The following FMNL2 variants were observed in gnomAD, a reference collection of about 807,000 sequenced individuals.
The protein encoded by FMNL2 is formin like 2, also known as formin-like protein 2.
Under a neutral mutation model 130.2 loss-of-function variants are expected in FMNL2, and 51 were observed. That is an observed-to-expected ratio of 0.39 (90% CI 0.31 to 0.49). The LOEUF is 0.49. FMNL2 is among the 20% of genes least tolerant of loss of function. The pLI is 0.85. For synonymous variants in FMNL2, 465 were observed against 467.1 expected, an observed-to-expected ratio of 1.00 and a Z score of 0.06; for missense variants, 977 against 1,316.2, an observed-to-expected ratio of 0.74 and a Z score of 3.99.
chr2:152,428,382 C>T (rs1687300529), intron 1 of FMNL2, among the ~76,000 whole-genome samples: 1 of 152,154 alleles, frequency 6.6e-6, no homozygotes, highest in Admixed American at 6.5e-5. Flanking sequence ...AAAGGGGCAG[C>T]TGTAGTAAGC....
chr2:152,383,273 C>T (rs1166901195), intron 1 of FMNL2, among the ~76,000 whole-genome samples: 12 of 97,620 alleles, frequency 1.2e-4, no homozygotes, highest in South Asian at 4.3e-4. Context: ...TCCGTTAATC[C>T]TTTTTTTTTT....
chr2:152,520,808 AC>A (rs1693048881), intron 1 of FMNL2, among the ~76,000 whole-genome samples: 1 of 152,108 alleles, frequency 6.6e-6, no homozygotes, highest in African/African-American at 2.4e-5. Context: ...CCTCTGTTAA[AC>A]TTGTTTCACC....
At chr2:152,639,127 C>T (rs574127170) in intron 23 of FMNL2, among the ~76,000 whole-genome samples, 1 of 152,146 alleles carries the variant, frequency 6.6e-6, no homozygotes, top group South Asian at 2.1e-4. Flanking sequence ...TTTTTCTTGC[C>T]CTATACGTGA....
chr2:152,435,744 T>C (rs1447738302), intron 1 of FMNL2, among the ~76,000 whole-genome samples: 2 of 152,224 alleles, frequency 1.3e-5, no homozygotes, highest in Non-Finnish European at 2.9e-5. Flanking sequence ...TTTCAGGAAG[T>C]AATAGAAAAA....
chr2:152,588,250 C>A (rs1243697561), intron 9 of FMNL2, among the ~76,000 whole-genome samples: 1 of 152,226 alleles, frequency 6.6e-6, no homozygotes, highest in Non-Finnish European at 1.5e-5. Context: ...CACTTAGATT[C>A]TTTGGCTTCC....
intron 9 of FMNL2, among the ~76,000 whole-genome samples, chr2:152,602,546 T>A (rs1358202872): frequency 1.3e-5 from 2 of 152,156 alleles, no homozygotes; most frequent in African/African-American, 4.8e-5. Context: ...AGAGTACATG[T>A]TATTGATTTG....
intron 1 of FMNL2, among the ~76,000 whole-genome samples, chr2:152,355,218 C>T (rs1330096939): frequency 6.6e-6 from 1 of 152,028 alleles, no homozygotes; most frequent in Non-Finnish European, 1.5e-5. Flanking sequence ...TGGTAACTGC[C>T]AAAAGTGAAC....
chr2:152,627,592 G>A (rs1283699080), intron 17 of FMNL2, among the ~76,000 whole-genome samples: 1 of 152,132 alleles, frequency 6.6e-6, no homozygotes, highest in Admixed American at 6.5e-5. Flanking sequence ...CTGAAGTGCA[G>A]CCTGGCTTTA....
chr2:152,458,447 G>A (rs1262018212), intron 1 of FMNL2, among the ~76,000 whole-genome samples: 1 of 152,030 alleles, frequency 6.6e-6, no homozygotes, highest in Non-Finnish European at 1.5e-5. Context: ...TCCCTGCCTG[G>A]GTCATTCCTT....
chr2:152,443,578 C>T (rs556181992), intron 1 of FMNL2, among the ~76,000 whole-genome samples: 2 of 151,998 alleles, frequency 1.3e-5, no homozygotes, highest in East Asian at 1.9e-4. Flanking sequence ...CGTGGTGGCT[C>T]ACGCCTATAA....
chr2:152,537,076 T>C (rs1266632886), intron 2 of FMNL2, among the ~76,000 whole-genome samples: 2 of 151,724 alleles, frequency 1.3e-5, no homozygotes, highest in Non-Finnish European at 2.9e-5. Context: ...GAGGAGGACA[T>C]GTAGGGAGAG....
intron 9 of FMNL2, among the ~76,000 whole-genome samples, chr2:152,598,572 C>T (rs1366675638): frequency 6.6e-6 from 1 of 152,106 alleles, no homozygotes; most frequent in Non-Finnish European, 1.5e-5. Flanking sequence ...GCCTTTAATC[C>T]CAGCTACTCA....
At chr2:152,463,601 AATAGATGGTGG>A (rs953254667) in intron 1 of FMNL2, among the ~76,000 whole-genome samples, 5 of 152,212 alleles carry the variant, frequency 3.3e-5, no homozygotes, top group African/African-American at 1.2e-4. Context: ...TTAGACTTGT[AATAGATGGTGG>A]ATATTTCCTC....
At chr2:152,563,662 G>T (rs533384479) in intron 6 of FMNL2, among the ~76,000 whole-genome samples, 13 of 151,140 alleles carry the variant, frequency 8.6e-5, no homozygotes, top group East Asian at 1.9e-4. Context: ...TTCTCCACAC[G>T]CTGCCTTCAC....
rs139648457 is a variant in FMNL2, at chr2:152,494,754, TC to T, written c.118-27188del. ...TAAAAAGTTAGATGTAGTGGTCCTT[TC>T]TCATGTGCCTTGACTATTGTCAGAG... On this transcript the variant is annotated intron_variant, in intron 1 of 25. Transcript: ENST00000288670. 5.0e-3 allele frequency among the ~76,000 whole-genome samples: 756 copies of T among 152,318 alleles called. 4 individuals carry two copies. The highest frequency in any genetic ancestry group is 0.017 in the African/African-American group (727 of 41,552).
At chr2:152,437,535 C>T (rs569719142) in intron 1 of FMNL2, among the ~76,000 whole-genome samples, 3 of 152,296 alleles carry the variant, frequency 2.0e-5, no homozygotes, top group Admixed American at 1.3e-4. Context: ...GAAACCACTT[C>T]TGACCTGCGG....
chr2:152,581,790 A>T (rs560737884), intron 9 of FMNL2, among the ~76,000 whole-genome samples: 6 of 152,340 alleles, frequency 3.9e-5, no homozygotes, highest in Non-Finnish European at 1.5e-5. Context: ...ATTACAAAGT[A>T]GTCCTTAGAG....
chr2:152,478,240 ATATATATATATT>A (rs1315548656), intron 1 of FMNL2, among the ~76,000 whole-genome samples: 3 of 32,006 alleles, frequency 9.4e-5, no homozygotes, highest in Non-Finnish European at 1.7e-4. Context: ...ATATATATAT[ATATATATATATT>A]TTTTTTTTTT....
chr2:152,348,684 A>C (rs1305216729), intron 1 of FMNL2, among the ~76,000 whole-genome samples: 1 of 152,190 alleles, frequency 6.6e-6, no homozygotes, highest in African/African-American at 2.4e-5. Context: ...AATTAGCAGA[A>C]GAGGAGGAGG....
Sources: gnomAD v4.1 joint callset for allele counts (sites outside exome capture counted in the v4.1 genomes callset) on GRCh38, gnomAD v4.1.1 for gene constraint, MANE v1.5 for transcripts, NCBI Gene and HGNC (gene_info 2026-07-23, HGNC 2026-07-21) for gene names.